CELF2: variants seen among roughly 807,000 people sequenced by gnomAD.
CELF2 encodes CUGBP Elav-like family member 2.
CELF2 carries 8 observed loss-of-function variants against 62.6 expected under a neutral mutation model. The observed-to-expected ratio is 0.13, with a 90% CI of 0.07 to 0.23. The LOEUF (loss-of-function observed/expected upper bound fraction) is 0.23, where lower values mean the gene tolerates loss of function less well. CELF2 is among the 10% of genes least tolerant of loss of function. The probability of loss-of-function intolerance (pLI) is 1.00; values close to 1 mark genes in which losing one functional copy is unlikely to be tolerated. For synonymous variants in CELF2, 258 were observed against 250.0 expected (o/e 1.03, Z -0.30); for missense variants, 333 against 671.0 (o/e 0.50, Z 5.56).
chr10:10,770,486 G>C, the CELF2 span, among the ~76,000 whole-genome samples: 5 of 152,044 alleles, frequency 3.3e-5, no homozygotes, highest in Non-Finnish European at 1.5e-5. Context: ...CAGGCCAGCA[G>C]AAAATTAGAG....
the CELF2 span, among the ~76,000 whole-genome samples, chr10:10,613,488 G>A: frequency 0.43 from 66,070 of 152,074 alleles, 14,782 homozygotes; most frequent in South Asian, 0.7. Flanking sequence ...ACTCATAAGA[G>A]AATGCTTCTG....
At chr10:10,913,379 C>CTTTTTTTTTTTTTTT (rs34163796) in intron 1 of CELF2, among the ~76,000 whole-genome samples, 1 of 57,360 alleles carries the variant, frequency 1.7e-5, no homozygotes, top group Non-Finnish European at 2.9e-5. Flanking sequence ...GTAATGATGT[C>CTTTTTTTTTTTTTTT]TTTTTTTTTT....
the CELF2 span, among the ~76,000 whole-genome samples, chr10:10,736,387 TCTTTCTTTC>T: frequency 2.9e-4 from 25 of 85,584 alleles, no homozygotes; most frequent in African/African-American, 5.0e-4. Flanking sequence ...TTTCTTTCTT[TCTTTCTTTC>T]TTTTTTTTTT....
intron 1 of CELF2, among the ~76,000 whole-genome samples, chr10:11,143,786 C>T (rs622034): frequency 0.16 from 23,728 of 152,214 alleles, 3,146 homozygotes; most frequent in East Asian, 0.68. Flanking sequence ...AGTCTCTAGA[C>T]ATATATTTGC....
the CELF2 span, among the ~76,000 whole-genome samples, chr10:10,686,498 C>T: frequency 6.6e-6 from 1 of 152,064 alleles, no homozygotes; most frequent in African/African-American, 2.4e-5. Context: ...CCAAATCTCC[C>T]CTTGAATTGT....
At chr10:10,787,226 TCACACACA>T in the CELF2 span, among the ~76,000 whole-genome samples, 1 of 143,878 alleles carries the variant, frequency 7.0e-6, no homozygotes, top group South Asian at 2.2e-4. Context: ...AGGTTTGATG[TCACACACA>T]CACACACACA....
intron 1 of CELF2, among the ~76,000 whole-genome samples, chr10:10,870,979 C>G (rs1039460328): frequency 1.3e-5 from 2 of 152,188 alleles, no homozygotes; most frequent in African/African-American, 2.4e-5. Context: ...CTCCCACCCC[C>G]ACCCCGCAAC....
the CELF2 span, among the ~76,000 whole-genome samples, chr10:10,538,673 T>A: frequency 6.6e-6 from 1 of 152,040 alleles, no homozygotes. Context: ...ATGAGATGGG[T>A]AGCAGTTTGG....
chr10:10,670,190 T>C, the CELF2 span, among the ~76,000 whole-genome samples: 1 of 152,120 alleles, frequency 6.6e-6, no homozygotes, highest in Admixed American at 6.5e-5. Flanking sequence ...GCGTGAGCCA[T>C]CGCTCCTGGC....
Position 11,121,431 on chromosome 10 carries a change from C to T in CELF2, c.75-44055C>T, listed in dbSNP as rs79362507. Among the ~76,000 whole-genome samples the T allele has an allele frequency of 2.6e-3, 394 of 152,238 alleles. 4 individuals carry two copies. The highest frequency in any genetic ancestry group is 9.0e-3 in the African/African-American group (374 of 41,532). Reference sequence around the variant, plus strand: ...GTACCCTTTGTTTTTGCCTTCATTCCTCTCTCCCTCTGTCCTTGCTGTCCC... The same window carrying T: ...GTACCCTTTGTTTTTGCCTTCATTCTTCTCTCCCTCTGTCCTTGCTGTCCC... On this transcript the variant is annotated intron_variant, in intron 1 of 12. Coordinates refer to ENST00000633077, the MANE Select transcript of CELF2 (RefSeq NM_001326342.2).
At chr10:11,169,174 T>C (rs1381894271) in intron 2 of CELF2, 1 of 152,246 alleles carries the variant, frequency 6.6e-6, no homozygotes, top group Non-Finnish European at 1.5e-5. Flanking sequence ...GAGCTGGTTA[T>C]GGCAGTCATG....
rs574722385 is a variant in CELF2 at position 11,066,152 on chromosome 10, G to A, written c.74+47989G>A. On this transcript the variant is annotated intron_variant, in intron 1 of 12. Coordinates refer to ENST00000633077, the MANE Select transcript of CELF2 (RefSeq NM_001326342.2). ...CAGCAGTTAGGTTTTCCATGGCACC[G>A]GGAGTAAAGCTTTAAAGGGATTTGA... Among the ~76,000 whole-genome samples, 83 of 152,248 alleles carry A rather than the reference G, an allele frequency of 5.5e-4. 1 individual carries two copies. The highest frequency in any genetic ancestry group is 8.1e-4 in the Non-Finnish European group (55 of 68,018).
rs1005813197 is a variant in CELF2 at position 11,046,658 on chromosome 10, G to A, written c.74+28495G>A. Among the ~76,000 whole-genome samples, 6 of 151,958 alleles carry A rather than the reference G, an allele frequency of 3.9e-5. No homozygotes were observed. The highest frequency in any genetic ancestry group is 1.3e-4 in the Admixed American group (2 of 15,256). Reference sequence around the variant, plus strand: ...TTTCTTTTCCTAACTCATTTCAGACGGACGCTAATAACAGCCCGCAGAACC... The same window carrying A: ...TTTCTTTTCCTAACTCATTTCAGACAGACGCTAATAACAGCCCGCAGAACC... On this transcript the variant is annotated intron_variant, in intron 1 of 12. Transcript: ENST00000633077. This position sits in a 1 kb window ranked among gnomAD's most constrained non-coding sequence, Gnocchi z 4.6.
the CELF2 span, among the ~76,000 whole-genome samples, chr10:10,493,527 T>G: frequency 1.1e-5 from 1 of 90,506 alleles, no homozygotes; most frequent in Admixed American, 1.0e-4. Context: ...GGCGTTTTTT[T>G]TTTGTTTGTT....
intron 2 of CELF2, among the ~76,000 whole-genome samples, chr10:11,176,234 A>G (rs1029350245): frequency 2.0e-5 from 3 of 152,210 alleles, no homozygotes; most frequent in Non-Finnish European, 4.4e-5. Flanking sequence ...GTTTAGGACA[A>G]GAAGAGGCTA....
At chr10:10,930,365 AT>A (rs1249560664) in intron 2 of CELF2, among the ~76,000 whole-genome samples, 11 of 152,110 alleles carry the variant, frequency 7.2e-5, no homozygotes, top group East Asian at 3.8e-4. Context: ...CCCTGCCCTA[AT>A]TTTTTTCCTT....
the CELF2 span, among the ~76,000 whole-genome samples, chr10:10,669,008 T>C: frequency 6.6e-6 from 1 of 152,156 alleles, no homozygotes; most frequent in Admixed American, 6.5e-5. Flanking sequence ...GTTACATGAC[T>C]ATGAATATTA....
chr10:10,799,417 G>A (rs1249811105), intron 1 of CELF2, among the ~76,000 whole-genome samples: 1 of 152,064 alleles, frequency 6.6e-6, no homozygotes, highest in Non-Finnish European at 1.5e-5. Context: ...TTAGGAGGTG[G>A]AGGTTGCAGT....
chr10:10,502,261 A>T, the CELF2 span, among the ~76,000 whole-genome samples: 1 of 151,920 alleles, frequency 6.6e-6, no homozygotes, highest in Non-Finnish European at 1.5e-5. Flanking sequence ...TCATGGTAAT[A>T]TTAGCTTCAT....
Sources: gnomAD v4.1 joint callset for allele counts (sites outside exome capture counted in the v4.1 genomes callset) on GRCh38, gnomAD v4.1.1 for gene constraint, Gnocchi (gnomAD v3.1) non-coding constraint, MANE v1.5 for transcripts, NCBI Gene and HGNC (gene_info 2026-07-23, HGNC 2026-07-21) for gene names.